The following BBS9 variants were observed in gnomAD, a reference collection of about 807,000 sequenced individuals.
BBS9 encodes protein PTHB1.
Under a neutral mutation model 117.7 loss-of-function variants are expected in BBS9, and 89 were observed. The observed-to-expected ratio is 0.76, with a 90% confidence interval of 0.64 to 0.90. The LOEUF (loss-of-function observed/expected upper bound fraction) is 0.90, where lower values mean the gene tolerates loss of function less well. Ranked by LOEUF, BBS9 falls within the 40% of genes least tolerant of loss-of-function variation. The pLI is 0.00. For missense variants in BBS9, 982 were observed against 1,042.2 expected (o/e 0.94, Z 0.80); for synonymous variants, 379 against 370.9 (o/e 1.02, Z -0.25).
At chr7:33,587,895 GT>G (rs1861203476) in intron 21 of BBS9, among the ~76,000 whole-genome samples, 1 of 152,020 alleles carries the variant, frequency 6.6e-6, no homozygotes, top group Admixed American at 6.6e-5. Context: ...TTAAAAACAC[GT>G]TTAGATTTGA....
In BBS9 at chr7:33,447,802, T is replaced by A. The variant is rs546208275; in HGVS notation, c.2116-57661T>A. Among the ~76,000 whole-genome samples, 13 of 152,262 alleles carry A rather than the reference T, an allele frequency of 8.5e-5. No homozygotes were observed. In the South Asian group the frequency reaches 2.7e-3, roughly 32 times the overall value. ...ATATAGCAGGTTATTTTTGGAAAGTTCCAAACAATTAAAGAATTAGAGCTG... is the reference window on the plus strand; with the variant it reads ...ATATAGCAGGTTATTTTTGGAAAGTACCAAACAATTAAAGAATTAGAGCTG... On this transcript the variant is annotated intron_variant, in intron 19 of 22. Coordinates refer to ENST00000242067, the MANE Select transcript of BBS9 (RefSeq NM_198428.3).
At chr7:33,460,356 T>C (rs1032884222) in intron 19 of BBS9, among the ~76,000 whole-genome samples, 6 of 152,276 alleles carry the variant, frequency 3.9e-5, no homozygotes, top group Middle Eastern at 3.4e-3. Context: ...CTGTCTTCTA[T>C]GCCCATAATT....
At chr7:33,470,368 T>C (rs546892950) in intron 19 of BBS9, among the ~76,000 whole-genome samples, 1 of 152,072 alleles carries the variant, frequency 6.6e-6, no homozygotes, top group Non-Finnish European at 1.5e-5. Context: ...TTTTATTTTT[T>C]AAAAAAATCA....
chr7:33,556,807 T>G (rs1297485890), intron 21 of BBS9, among the ~76,000 whole-genome samples: 2 of 152,174 alleles, frequency 1.3e-5, no homozygotes, highest in African/African-American at 4.8e-5. Flanking sequence ...TATTGCCACA[T>G]TAGCCACCTA....
At chr7:33,485,805 A>T (rs1265483686) in intron 19 of BBS9, among the ~76,000 whole-genome samples, 1 of 152,196 alleles carries the variant, frequency 6.6e-6, no homozygotes, top group Non-Finnish European at 1.5e-5. Context: ...TGTGAACCTT[A>T]AGAAGGCTAT....
chr7:33,404,281 G>T (rs947843297), intron 19 of BBS9, among the ~76,000 whole-genome samples: 4 of 152,094 alleles, frequency 2.6e-5, no homozygotes, highest in African/African-American at 9.7e-5. Flanking sequence ...GTAGCATGAT[G>T]CCTCCAGCTT....
chr7:33,296,488 T>C (rs866581152), intron 9 of BBS9, among the ~76,000 whole-genome samples: 2 of 152,166 alleles, frequency 1.3e-5, no homozygotes, highest in Admixed American at 6.6e-5. Context: ...TTCTTTTAAG[T>C]CAAGGAATAA....
intron 5 of BBS9, among the ~76,000 whole-genome samples, chr7:33,243,928 A>T (rs1276701967): frequency 6.6e-6 from 1 of 152,154 alleles, no homozygotes; most frequent in East Asian, 1.9e-4. Context: ...TTCTTTAAAA[A>T]ATTTCCTGAC....
At chr7:33,573,036 T>C (rs577153671) in intron 21 of BBS9, among the ~76,000 whole-genome samples, 3 of 152,026 alleles carry the variant, frequency 2.0e-5, no homozygotes, top group Non-Finnish European at 4.4e-5. Flanking sequence ...TGTTCTTCCC[T>C]TTCCCTCTTT....
In BBS9 at chr7:33,403,678, G is replaced by A. The variant is rs548831032; in HGVS notation, c.2115+15534G>A. On this transcript the variant is annotated intron_variant, in intron 19 of 22. Coordinates refer to ENST00000242067, the MANE Select transcript of BBS9 (RefSeq NM_198428.3). Reference sequence around the variant, plus strand: ...TTTTATGGCTGCGTAGTATTCCATGGTGTATATGTGCCACATTTTCTTAAT... The same window carrying A: ...TTTTATGGCTGCGTAGTATTCCATGATGTATATGTGCCACATTTTCTTAAT... 2.0e-4 allele frequency among the ~76,000 whole-genome samples: 30 copies of A among 151,938 alleles called. No homozygotes were observed. In the South Asian group the frequency reaches 6.3e-3, roughly 32 times the overall value.
At chr7:33,581,849 A>G (rs371049683) in intron 21 of BBS9, among the ~76,000 whole-genome samples, 1 of 152,098 alleles carries the variant, frequency 6.6e-6, no homozygotes, top group African/African-American at 2.4e-5. Context: ...AACACACACG[A>G]TTTCCAGAAT....
intron 9 of BBS9, among the ~76,000 whole-genome samples, chr7:33,307,421 T>C (rs1479765146): frequency 1.3e-5 from 2 of 152,208 alleles, no homozygotes; most frequent in African/African-American, 2.4e-5. Context: ...AAGTTTCTTA[T>C]TAGCAGTGAC....
chr7:33,492,202 C>T (rs1299528847), intron 19 of BBS9, among the ~76,000 whole-genome samples: 1 of 41,106 alleles, frequency 2.4e-5, no homozygotes, highest in South Asian at 9.2e-4. Context: ...GATTCCACCT[C>T]GAAAAAAAAA....
intron 19 of BBS9, among the ~76,000 whole-genome samples, chr7:33,434,750 T>C (rs1337878388): frequency 6.6e-6 from 1 of 152,176 alleles, no homozygotes; most frequent in Non-Finnish European, 1.5e-5. Context: ...GGTAATCTAA[T>C]CAAAACAAGT....
At chr7:33,333,371 C>A (rs942210463) in intron 9 of BBS9, among the ~76,000 whole-genome samples, 2 of 152,104 alleles carry the variant, frequency 1.3e-5, no homozygotes, top group African/African-American at 4.8e-5. Context: ...CAAGTTGCTG[C>A]AAAATACATT....
At chr7:33,145,451 G>A (rs534374753) in intron 1 of BBS9, among the ~76,000 whole-genome samples, 4 of 152,084 alleles carry the variant, frequency 2.6e-5, no homozygotes, top group Non-Finnish European at 4.4e-5. Flanking sequence ...AAGGACACAC[G>A]GATAGTTAGT....
chr7:33,435,826 C>T (rs1835225610), intron 19 of BBS9, among the ~76,000 whole-genome samples: 1 of 151,948 alleles, frequency 6.6e-6, no homozygotes, highest in East Asian at 1.9e-4. Flanking sequence ...GTTTTTGGTC[C>T]CTTGTGCTTC....
chr7:33,250,210 C>T (rs1217716178), intron 5 of BBS9, among the ~76,000 whole-genome samples: 2 of 152,108 alleles, frequency 1.3e-5, no homozygotes, highest in Non-Finnish European at 2.9e-5. Context: ...AGGTTTCAGT[C>T]TTCTCGTGTA....
intron 1 of BBS9, among the ~76,000 whole-genome samples, chr7:33,140,087 G>A (rs188815314): frequency 2.4e-4 from 37 of 152,040 alleles, no homozygotes; most frequent in Admixed American, 2.2e-3. Flanking sequence ...GTGCAGTGGC[G>A]TGATCTTGGC....
Sources: allele counts gnomAD v4.1 joint callset (sites outside exome capture counted in the v4.1 genomes callset), GRCh38; gene constraint gnomAD v4.1.1; transcripts MANE v1.5; gene names NCBI Gene and HGNC (gene_info 2026-07-23, HGNC 2026-07-21).